The following AGBL1 variants were observed in gnomAD, a reference collection of about 807,000 sequenced individuals.
AGBL1 encodes the protein AGBL carboxypeptidase 1, also known as cytosolic carboxypeptidase 4.
AGBL1 carries 130 observed loss-of-function variants against 118.9 expected under a neutral mutation model. That is an observed-to-expected ratio of 1.09 (90% CI 0.95 to 1.26). AGBL1 has a LOEUF of 1.26. Among genes scored for constraint, AGBL1 ranks in the 50% most tolerant of loss-of-function variants. The pLI is 0.00. For missense variants in AGBL1, 1,584 were observed against 1,298.1 expected (o/e 1.22, Z -3.38); for synonymous variants, 555 against 478.9 (o/e 1.16, Z -2.08).
At chr15:86,411,988 CT>C (rs2081627278) in intron 18 of AGBL1, among the ~76,000 whole-genome samples, 1 of 152,170 alleles carries the variant, frequency 6.6e-6, no homozygotes, top group Non-Finnish European at 1.5e-5. Context: ...CCACTCCTAG[CT>C]GACTTATCCC....
Position 86,264,405 on chromosome 15 carries a change from C to T in AGBL1, c.1234C>T (p.Gln412Ter), listed in dbSNP as rs753864298. 6.2e-7 allele frequency: 1 copy of T among 1,613,962 alleles called. No individual in the cohort carries two copies. Among genetic ancestry groups the T allele is most frequent in the Non-Finnish European group, 8.5e-7 (1 of 1,179,872 alleles). ...TGGGCAAGAAAGAGAATATGCTGTC[C>T]AGACTTCCCTTCTGTGCAGGGTGAA... ...SCGQEREYAV[Q>*]TSLLCRVKTG... Residue 412 changes from glutamine (Q) to a stop codon, truncating the protein, a stop_gained, in exon 11 of 23, where the codon CAG becomes TAG. Coordinates refer to ENST00000614907, the MANE Select transcript of AGBL1 (RefSeq NM_001386094.1). LOFTEE classifies it high-confidence loss of function.
At chr15:86,488,229 G>A (rs949440558) in intron 18 of AGBL1, among the ~76,000 whole-genome samples, 4 of 151,958 alleles carry the variant, frequency 2.6e-5, no homozygotes, top group African/African-American at 4.8e-5. Flanking sequence ...TTGCAGCCAG[G>A]ATTCTGCAGC....
Position 86,085,775 on chromosome 15 carries a change from TTTG to T in AGBL1, c.51+5767_51+5769del, listed in dbSNP as rs376429284. Among the ~76,000 whole-genome samples the T allele has an allele frequency of 2.1e-3, 324 of 152,184 alleles. 4 individuals are homozygous for T. Among genetic ancestry groups the T allele is most frequent in the African/African-American group, 7.4e-3 (309 of 41,498 alleles). ...GAGAACTGTTCTACAACACTTGATTTTTGTTGTTGTTGTTGTTTTTAATTTGTT... is the reference window on the plus strand; with the variant it reads ...GAGAACTGTTCTACAACACTTGATTTTTGTTGTTGTTGTTTTTAATTTGTT... On this transcript the variant is annotated intron_variant, in intron 1 of 22. Transcript: ENST00000614907.
At chr15:87,011,255 G>A (rs1031871433) in intron 24 of AGBL1, among the ~76,000 whole-genome samples, 1 of 152,190 alleles carries the variant, frequency 6.6e-6, no homozygotes, top group African/African-American at 2.4e-5. Context: ...GGAGGAGCCT[G>A]AGTACCTGAA....
At chr15:86,921,333 C>T (rs1013111713) in intron 23 of AGBL1, among the ~76,000 whole-genome samples, 1 of 152,134 alleles carries the variant, frequency 6.6e-6, no homozygotes, top group African/African-American at 2.4e-5. Context: ...GAGTTCAGTC[C>T]TCAGTCTCCT....
intron 5 of AGBL1, among the ~76,000 whole-genome samples, chr15:86,184,760 T>G (rs192364899): frequency 6.6e-6 from 1 of 152,272 alleles, no homozygotes; most frequent in African/African-American, 2.4e-5. Context: ...ACCAATGACT[T>G]TCTTCACAGA....
At chr15:86,180,028 A>C (rs2077531219) in intron 5 of AGBL1, among the ~76,000 whole-genome samples, 1 of 150,240 alleles carries the variant, frequency 6.7e-6, no homozygotes, top group African/African-American at 2.4e-5. Flanking sequence ...GCTACAAAAC[A>C]ATGTTGAAAC....
rs77416491 is a variant in AGBL1 at position 86,911,072 on chromosome 15, T to A, written c.*3778T>A. ...TACCAAATTCAAAGCCAAACTAAGA[T>A]GACCCAAGAATTCCAAGGAGTTGTA... On this transcript the variant is annotated 3_prime_UTR_variant, in exon 23 of 23. Transcript: ENST00000614907. 6.6e-6 allele frequency: 1 copy of A among 152,384 alleles called. No individual in the cohort carries two copies. The highest frequency in any genetic ancestry group is 1.9e-4 in the East Asian group (1 of 5,186). The allele number at this position is 152,384 out of a possible 1,614,324, so 9.4% of individuals were successfully genotyped here.
intron 1 of AGBL1, chr15:86,086,463 A>C (rs536525612): frequency 4.6e-5 from 7 of 152,308 alleles, no homozygotes; most frequent in African/African-American, 1.7e-4. Context: ...AGGTCTGCAA[A>C]TCAGGTTCTT....
At chr15:86,905,832 T>C (rs1291634095) in intron 22 of AGBL1, among the ~76,000 whole-genome samples, 1 of 152,200 alleles carries the variant, frequency 6.6e-6, no homozygotes, top group African/African-American at 2.4e-5. Context: ...GCTCTTGCCT[T>C]CCTTTACTCA....
At chr15:86,637,186 C>A (rs998498257) in intron 21 of AGBL1, among the ~76,000 whole-genome samples, 1 of 151,890 alleles carries the variant, frequency 6.6e-6, no homozygotes, top group African/African-American at 2.4e-5. Context: ...ACAGGACATA[C>A]ACAAATATGT....
chr15:86,345,942 T>G (rs1043025976), intron 17 of AGBL1, among the ~76,000 whole-genome samples: 5 of 152,170 alleles, frequency 3.3e-5, no homozygotes, highest in African/African-American at 1.2e-4. Context: ...ATAATTTCTT[T>G]CATCAATTCT....
chr15:86,841,418 A>G lies in AGBL1; in HGVS notation c.3159-65669A>G, dbSNP rs192802067. The stretch of plus-strand genomic sequence containing the variant: ...CATGCCAAATACAGGTAAGAATTGC[A>G]GAAAATATTTTGCTGTGATGTTAGT... On this transcript the variant is annotated intron_variant, in intron 22 of 22. Coordinates refer to ENST00000614907, the MANE Select transcript of AGBL1 (RefSeq NM_001386094.1). Among the ~76,000 whole-genome samples, 206 of 152,346 alleles carry G rather than the reference A, an allele frequency of 1.4e-3. 2 individuals carry two copies. Among genetic ancestry groups the G allele is most frequent in the African/African-American group, 4.8e-3 (199 of 41,584 alleles).
At chr15:86,654,782 C>G (rs1232221665) in intron 21 of AGBL1, among the ~76,000 whole-genome samples, 2 of 152,118 alleles carry the variant, frequency 1.3e-5, no homozygotes, top group African/African-American at 4.8e-5. Flanking sequence ...TGGGCCCTGC[C>G]TAGTCAGCCA....
At chr15:86,476,821 A>G (rs1596164344) in intron 18 of AGBL1, among the ~76,000 whole-genome samples, 1 of 152,226 alleles carries the variant, frequency 6.6e-6, no homozygotes. Context: ...AATTGACCAC[A>G]TAGTTGGAAG....
intron 22 of AGBL1, among the ~76,000 whole-genome samples, chr15:86,762,325 A>G (rs556521989): frequency 6.6e-6 from 1 of 152,098 alleles, no homozygotes; most frequent in South Asian, 2.1e-4. Context: ...GCACATGTTT[A>G]CCTATGTAAC....
At chr15:86,184,405 C>T (rs1030592771) in intron 5 of AGBL1, among the ~76,000 whole-genome samples, 26 of 150,664 alleles carry the variant, frequency 1.7e-4, no homozygotes, top group African/African-American at 5.6e-4. Context: ...CTTTTATACA[C>T]GATCTATTCC....
intron 22 of AGBL1, among the ~76,000 whole-genome samples, chr15:86,855,048 C>T (rs761170023): frequency 1.2e-4 from 18 of 152,082 alleles, no homozygotes; most frequent in Admixed American, 2.0e-4. Flanking sequence ...GTTAAGGGCA[C>T]GCAGAGACAG....
At chr15:86,753,616 T>A (rs2077889615) in intron 22 of AGBL1, among the ~76,000 whole-genome samples, 1 of 152,072 alleles carries the variant, frequency 6.6e-6, no homozygotes, top group Non-Finnish European at 1.5e-5. Flanking sequence ...CAGGCTTGTC[T>A]TGAACTTCTG....
Sources: allele counts gnomAD v4.1 joint callset (sites outside exome capture counted in the v4.1 genomes callset), GRCh38; gene constraint gnomAD v4.1.1; transcripts MANE v1.5; gene names NCBI Gene and HGNC (gene_info 2026-07-23, HGNC 2026-07-21).